Variants in NOP9 observed in about 807,000 individuals in gnomAD.
The protein encoded by NOP9 is nucleolar protein 9.
A neutral mutation model predicts 63.0 loss-of-function variants in NOP9; 50 were observed. The observed-to-expected ratio is 0.79, with a 90% CI of 0.63 to 1.00. NOP9 has a LOEUF of 1.00. Among genes scored for constraint, NOP9 ranks in the 50% least tolerant of loss-of-function variants. The pLI, the probability that NOP9 is intolerant of heterozygous loss-of-function variation, is 0.00. For missense variants in NOP9, 758 were observed against 803.0 expected, an observed-to-expected ratio of 0.94 and a Z score of 0.68; for synonymous variants, 343 against 332.8, an observed-to-expected ratio of 1.03 and a Z score of -0.33.
At position 24,306,343 on chromosome 14, in the gene NOP9, A is replaced by G. The variant is rs2139143352; in HGVS notation, c.*1248A>G. 1 of 1,613,932 alleles carries G rather than the reference A, an allele frequency of 6.2e-7. No homozygotes were observed. Among genetic ancestry groups the G allele is most frequent in the East Asian group, 2.2e-5 (1 of 44,870 alleles). On this transcript the variant is annotated 3_prime_UTR_variant, in exon 10 of 10. Coordinates refer to ENST00000267425, the MANE Select transcript of NOP9 (RefSeq NM_174913.3). ...CCCGGGAAAGCTCTAAAGGACAGGCATTGGAAGCAGCCCCAGTATAGGCCT... is the reference window on the plus strand; with the variant it reads ...CCCGGGAAAGCTCTAAAGGACAGGCGTTGGAAGCAGCCCCAGTATAGGCCT...
Position 24,306,215 on chromosome 14 carries a change from C to T in NOP9, c.*1120C>T, listed in dbSNP as rs2041501793. On this transcript the variant is annotated 3_prime_UTR_variant, in exon 10 of 10. Coordinates refer to ENST00000267425, the MANE Select transcript of NOP9 (RefSeq NM_174913.3). ...TAATCTCCATCAGCACTGGGTCAGA[C>T]CCTCCCTCGCTTGGACTTTCTGTCC... 3.2e-6 allele frequency: 5 copies of T among 1,539,192 alleles called. No individual in the cohort carries two copies. Among genetic ancestry groups the T allele is most frequent in the Non-Finnish European group, 4.4e-6 (5 of 1,123,640 alleles).
intron 7 of NOP9, 80 bp from the exon 8 acceptor site, chr14:24,303,961 T>G: frequency 6.3e-7 from 1 of 1,579,858 alleles, no homozygotes; most frequent in Non-Finnish European, 8.7e-7. Context: ...TTCATCCAGG[T>G]GGAGGTGGCA....
chr14:24,285,509 C>A, the NOP9 span, among the ~76,000 whole-genome samples: 1 of 152,118 alleles, frequency 6.6e-6, no homozygotes, highest in Non-Finnish European at 1.5e-5. Flanking sequence ...CGCAGCAAAT[C>A]TCTTCTCTGA....
At chr14:24,300,253 A>C in intron 1 of NOP9, 52 bp downstream of exon 1, 1 of 1,598,268 alleles carries the variant, frequency 6.3e-7, no homozygotes, top group Non-Finnish European at 8.6e-7. Flanking sequence ...CAGGGCAGGC[A>C]AGGAAACTTT....
upstream of NOP9, among the ~76,000 whole-genome samples, chr14:24,295,655 G>A (rs2041236976): frequency 6.6e-6 from 1 of 152,198 alleles, no homozygotes; most frequent in South Asian, 2.1e-4. Flanking sequence ...TGGAGGCTAT[G>A]GTCATGAACA....
the NOP9 span, chr14:24,290,524 A>G: frequency 1.8e-5 from 5 of 271,480 alleles, no homozygotes; most frequent in African/African-American, 1.1e-4. Context: ...GAAGCTTCAC[A>G]TTTATACATC....
In NOP9 at chr14:24,306,109, C is replaced by T. The variant is rs889659485; in HGVS notation, c.*1014C>T. On this transcript the variant is annotated 3_prime_UTR_variant, in exon 10 of 10. Coordinates refer to ENST00000267425, the MANE Select transcript of NOP9 (RefSeq NM_174913.3). ...GTCCTTGCTGTGCTTGGGCCTCTCC[C>T]GTCCCAGGCCATATGACAGCACTCC... 3.1e-6 allele frequency: 5 copies of T among 1,613,848 alleles called. No homozygotes were observed. Among genetic ancestry groups the T allele is most frequent in the Admixed American group, 1.7e-5 (1 of 59,994 alleles).
chr14:24,297,778 T>C (rs2041278844), upstream of NOP9, among the ~76,000 whole-genome samples: 1 of 152,212 alleles, frequency 6.6e-6, no homozygotes, highest in East Asian at 1.9e-4. Flanking sequence ...AGCGTCCCTA[T>C]GCTTATGGAG....
In NOP9 at chr14:24,303,742, G is replaced by A; in HGVS notation, c.1295G>A (p.Cys432Tyr). 2 of 1,614,126 alleles carry A rather than the reference G, an allele frequency of 1.2e-6. No individual in the cohort carries two copies. The highest frequency in any genetic ancestry group is 1.7e-6 in the Non-Finnish European group (2 of 1,179,980). Reference sequence around the variant, plus strand: ...TGTCTTCTCCTTTAGGCATTCCACTGTGCAGAGCCCTCATCCCGGCAAGTG... The same window carrying A: ...TGTCTTCTCCTTTAGGCATTCCACTATGCAGAGCCCTCATCCCGGCAAGTG... Reference protein sequence around the residue: ...VLQLLLEAFHCAEPSSRQVAC... With the variant: ...VLQLLLEAFHYAEPSSRQVAC... The change falls in exon 7 of 10, where the codon TGT becomes TAT. Residue 432 changes from cysteine to tyrosine, a missense_variant. Cys to Tyr is a radical substitution (Grantham distance 194). Transcript: ENST00000267425.
rs370619875 is a variant in NOP9 at position 24,304,490 on chromosome 14, C to T, written c.1648-3C>T. The T allele has an allele frequency of 8.7e-6, 14 of 1,604,378 alleles. No homozygotes were observed. The highest frequency in any genetic ancestry group is 1.2e-5 in the Non-Finnish European group (14 of 1,176,438). On this transcript the variant is annotated splice_region_variant and splice_polypyrimidine_tract_variant and intron_variant, in intron 8 of 9. Transcript: ENST00000267425. ...GAGACCTACTTTGCTTGTCTCCATACAGGGACAATATGTGGCTCTGGCCTG... is the reference window on the plus strand; with the variant it reads ...GAGACCTACTTTGCTTGTCTCCATATAGGGACAATATGTGGCTCTGGCCTG...
At chr14:24,295,970 C>T (rs933246448), upstream of NOP9, among the ~76,000 whole-genome samples, 36 of 152,138 alleles carry the variant, frequency 2.4e-4, no homozygotes, top group Admixed American at 1.3e-4. Flanking sequence ...GTGCATTATG[C>T]TAGGCGAATT....
At chr14:24,276,376 CAAA>C in the NOP9 span, among the ~76,000 whole-genome samples, 2 of 115,366 alleles carry the variant, frequency 1.7e-5, no homozygotes. Context: ...GACTCGGTCT[CAAA>C]AAAAAAAAAA....
the NOP9 span, among the ~76,000 whole-genome samples, chr14:24,272,548 A>G: frequency 6.6e-6 from 1 of 152,104 alleles, no homozygotes; most frequent in Non-Finnish European, 1.5e-5. Flanking sequence ...AGTGTTCTCC[A>G]CCTCATCCCT....
At chr14:24,291,262 T>C in the NOP9 span, 17 of 1,599,438 alleles carry the variant, frequency 1.1e-5, no homozygotes, top group Admixed American at 8.3e-5. Context: ...CAGGGGAGTA[T>C]GCAGAGTGAC....
Position 24,305,375 on chromosome 14 carries a change from C to T in NOP9, c.*280C>T, listed in dbSNP as rs2041464661. ...GGCTGGGATCAAGATGCCTGGGGGA[C>T]ATCTTGATCTTGGCCTTTCAGGGCA... On this transcript the variant is annotated 3_prime_UTR_variant, in exon 10 of 10. Transcript: ENST00000267425. The T allele has an allele frequency of 1.8e-6, 1 of 567,234 alleles. No homozygotes were observed. Among genetic ancestry groups the T allele is most frequent in the South Asian group, 2.8e-5 (1 of 35,888 alleles). The allele number at this position is 567,234 out of a possible 1,614,324, so 35.1% of individuals were successfully genotyped here. A position where few individuals can be genotyped will look rare whatever the true frequency, so the allele number is the denominator to read the frequency against.
chr14:24,305,884 G>A lies in NOP9; in HGVS notation c.*789G>A. 6.3e-7 allele frequency: 1 copy of A among 1,584,122 alleles called. No individual in the cohort carries two copies. Among genetic ancestry groups the A allele is most frequent in the Non-Finnish European group, 8.6e-7 (1 of 1,161,482 alleles). On this transcript the variant is annotated 3_prime_UTR_variant, in exon 10 of 10. Coordinates refer to ENST00000267425, the MANE Select transcript of NOP9 (RefSeq NM_174913.3). ...TAACTAGGGGTAGGTGGGTGCAAGAGGACGAATTATGGGGACTATCCAACT... is the reference window on the plus strand; with the variant it reads ...TAACTAGGGGTAGGTGGGTGCAAGAAGACGAATTATGGGGACTATCCAACT...
At chr14:24,299,061 A>C, upstream of NOP9, 1 of 1,614,106 alleles carries the variant, frequency 6.2e-7, no homozygotes, top group Non-Finnish European at 8.5e-7. Flanking sequence ...ATACCCCTGG[A>C]GGCACCAGTC....
the NOP9 span, among the ~76,000 whole-genome samples, chr14:24,280,952 G>GT: frequency 6.6e-6 from 1 of 152,186 alleles, no homozygotes; most frequent in African/African-American, 2.4e-5. Context: ...AGCACCGGGA[G>GT]GGAGTGGACA....
the NOP9 span, among the ~76,000 whole-genome samples, chr14:24,289,327 A>T: frequency 6.6e-6 from 1 of 152,078 alleles, no homozygotes; most frequent in Admixed American, 6.6e-5. Flanking sequence ...GGGTCTCCCT[A>T]TGTTGCCCAG....
Sources: gnomAD v4.1 joint callset for allele counts (sites outside exome capture counted in the v4.1 genomes callset) on GRCh38, gnomAD v4.1.1 for gene constraint, MANE v1.5 for transcripts, NCBI Gene and HGNC (gene_info 2026-07-23, HGNC 2026-07-21) for gene names.